The following DYNC2I2 variants were observed in gnomAD, a reference collection of about 807,000 sequenced individuals.
The protein encoded by DYNC2I2 is dynein 2 intermediate chain 2.
A neutral mutation model predicts 52.0 loss-of-function variants in DYNC2I2; 39 were observed. The observed-to-expected ratio is 0.75, with a 90% CI of 0.58 to 0.98. The LOEUF (loss-of-function observed/expected upper bound fraction) is 0.98. Ranked by LOEUF, DYNC2I2 falls within the 50% of genes least tolerant of loss-of-function variation. The pLI, the probability that DYNC2I2 is intolerant of heterozygous loss-of-function variation, is 0.00. For missense variants in DYNC2I2, 743 were observed against 728.4 expected (o/e 1.02, Z -0.23); for synonymous variants, 359 against 321.1 (o/e 1.12, Z -1.26).
intron 1 of DYNC2I2, among the ~76,000 whole-genome samples, chr9:128,654,262 G>C (rs953923310): frequency 2.0e-5 from 3 of 152,144 alleles, no homozygotes; most frequent in Non-Finnish European, 4.4e-5. Flanking sequence ...CTGTCCTCAA[G>C]AGTAAGATTT....
At chr9:128,670,880 C>T in the DYNC2I2 span, among the ~76,000 whole-genome samples, 1 of 151,528 alleles carries the variant, frequency 6.6e-6, no homozygotes, top group African/African-American at 2.4e-5. Flanking sequence ...CCAGCCTGAC[C>T]AACATGGTGA....
chr9:128,677,422 T>C, the DYNC2I2 span, among the ~76,000 whole-genome samples: 8 of 149,914 alleles, frequency 5.3e-5, no homozygotes, highest in Non-Finnish European at 7.4e-5. Context: ...GAGGCAGATG[T>C]TGTAGTGAGC....
intron 8 of DYNC2I2, 53 bp from the exon 9 acceptor site, chr9:128,634,035 A>G: frequency 1.9e-6 from 3 of 1,597,946 alleles, no homozygotes; most frequent in East Asian, 2.2e-5. Context: ...GACCAACCAC[A>G]TGGCAGGAGG....
chr9:128,671,206 G>T, the DYNC2I2 span, among the ~76,000 whole-genome samples: 1 of 151,842 alleles, frequency 6.6e-6, no homozygotes, highest in Non-Finnish European at 1.5e-5. Flanking sequence ...GGCTGAGGTG[G>T]GAGGGTCACT....
the DYNC2I2 span, among the ~76,000 whole-genome samples, chr9:128,679,941 C>T: frequency 6.6e-6 from 1 of 152,190 alleles, no homozygotes; most frequent in Non-Finnish European, 1.5e-5. Context: ...CATCCAGAAA[C>T]TGAGCATCAC....
At chr9:128,674,651 G>A in the DYNC2I2 span, among the ~76,000 whole-genome samples, 1 of 152,180 alleles carries the variant, frequency 6.6e-6, no homozygotes, top group Non-Finnish European at 1.5e-5. Context: ...GCTGAGGCAG[G>A]AGAATCGCGT....
At chr9:128,644,753 G>A (rs1214021252) in intron 1 of DYNC2I2, among the ~76,000 whole-genome samples, 2 of 152,212 alleles carry the variant, frequency 1.3e-5, no homozygotes, top group African/African-American at 2.4e-5. Context: ...CCCCTGCACT[G>A]CACAAGCCTA....
At chr9:128,679,653 GT>G in the DYNC2I2 span, among the ~76,000 whole-genome samples, 23 of 140,642 alleles carry the variant, frequency 1.6e-4, no homozygotes, top group Admixed American at 4.3e-4. Flanking sequence ...GTTTTTTTTT[GT>G]TTTTTTTTTT....
chr9:128,680,701 G>T, the DYNC2I2 span, among the ~76,000 whole-genome samples: 7 of 150,538 alleles, frequency 4.6e-5, no homozygotes, highest in African/African-American at 1.7e-4. Flanking sequence ...TTGAGACAGG[G>T]TCTCACTCCG....
At chr9:128,640,555 C>A in intron 2 of DYNC2I2, 136 bp downstream of exon 2, 2 of 1,389,192 alleles carry the variant, frequency 1.4e-6, no homozygotes, top group African/African-American at 1.4e-5. Context: ...TAGCGCAGTA[C>A]CAGGCAGGAC....
At chr9:128,676,526 G>A in the DYNC2I2 span, among the ~76,000 whole-genome samples, 1 of 105,316 alleles carries the variant, frequency 9.5e-6, no homozygotes, top group African/African-American at 3.7e-5. Context: ...GGTCTTATGT[G>A]TTTGAATTTT....
At chr9:128,678,812 G>A in the DYNC2I2 span, among the ~76,000 whole-genome samples, 7 of 150,590 alleles carry the variant, frequency 4.6e-5, no homozygotes, top group East Asian at 1.0e-3. Flanking sequence ...GCTCACACCT[G>A]TAATCCCAGC....
At chr9:128,670,949 C>T in the DYNC2I2 span, among the ~76,000 whole-genome samples, 1 of 151,652 alleles carries the variant, frequency 6.6e-6, no homozygotes, top group African/African-American at 2.4e-5. Flanking sequence ...TGCCTGTAAT[C>T]CCAGCTACTT....
chr9:128,664,034 C>T, the DYNC2I2 span, among the ~76,000 whole-genome samples: 6 of 149,848 alleles, frequency 4.0e-5, no homozygotes, highest in African/African-American at 9.9e-5. Flanking sequence ...CTTGGCTCAC[C>T]GCAAACTTCA....
the DYNC2I2 span, among the ~76,000 whole-genome samples, chr9:128,680,189 T>G: frequency 1.3e-5 from 2 of 151,944 alleles, no homozygotes; most frequent in African/African-American, 4.8e-5. Context: ...GCCTCCCAAG[T>G]AGCTGGGATT....
Position 128,640,927 on chromosome 9 carries a change from TC to T in DYNC2I2, c.198del (p.Thr67ArgfsTer57), listed in dbSNP as rs759106209. 6.3e-7 allele frequency: 1 copy of T among 1,590,794 alleles called. No homozygotes were observed. The highest frequency in any genetic ancestry group is 1.7e-5 in the Admixed American group (1 of 57,884). ...QGIRWETKSCQTASIATASAS... is the reference protein window; with the variant it reads ...QGIRWETKSCXTASIATASAS... ...GCACTGGCAGTGGCAATGCTGGCCG[TC>T]TGGCAACTTTTCTGGGGGGAGGGTG... On this transcript the variant is annotated frameshift_variant, in exon 2 of 9. Coordinates refer to ENST00000372715, the MANE Select transcript of DYNC2I2 (RefSeq NM_052844.4). LOFTEE classifies it high-confidence loss of function.
At position 128,635,762 on chromosome 9, in the gene DYNC2I2, G is replaced by T; in HGVS notation, c.709C>A (p.Leu237Met). ...PTQPSHVAGG[L>M]YSGEVLVWDL... is the part of the protein sequence containing the mutation. Reference sequence around the variant, plus strand: ...CACACCAACACCTCACCACTGTACAGCCCTCCTGCAGGGACAGTGGACCTG... The same window carrying T: ...CACACCAACACCTCACCACTGTACATCCCTCCTGCAGGGACAGTGGACCTG... The change falls in exon 5 of 9, where the codon CTG (leucine) becomes ATG (methionine). Residue 237 changes from leucine (L) to methionine (M), a missense_variant. Physicochemically the swap from Leu to Met is conservative, Grantham distance 15. Coordinates refer to ENST00000372715, the MANE Select transcript of DYNC2I2 (RefSeq NM_052844.4). The T allele has an allele frequency of 6.2e-7, 1 of 1,611,768 alleles. No individual in the cohort carries two copies. The highest frequency in any genetic ancestry group is 8.5e-7 in the Non-Finnish European group (1 of 1,178,964).
the DYNC2I2 span, among the ~76,000 whole-genome samples, chr9:128,662,798 G>C: frequency 6.6e-6 from 1 of 151,184 alleles, no homozygotes; most frequent in African/African-American, 2.4e-5. Context: ...TCCTGACCTC[G>C]GGTGATCCAC....
intron 1 of DYNC2I2, among the ~76,000 whole-genome samples, chr9:128,643,012 C>G (rs1860547054): frequency 6.6e-6 from 1 of 151,892 alleles, no homozygotes; most frequent in African/African-American, 2.4e-5. Flanking sequence ...GGCGTTTGAG[C>G]TGAGATGTGA....
Sources: gnomAD v4.1 joint callset for allele counts (sites outside exome capture counted in the v4.1 genomes callset) on GRCh38, gnomAD v4.1.1 for gene constraint, MANE v1.5 for transcripts, NCBI Gene and HGNC (gene_info 2026-07-23, HGNC 2026-07-21) for gene names.